The following SUSD4 variants were observed in gnomAD, a reference collection of about 807,000 sequenced individuals.
The protein encoded by SUSD4 is sushi domain containing 4, also known as sushi domain-containing protein 4.
A neutral mutation model predicts 50.5 loss-of-function variants in SUSD4; 41 were observed. The ratio of observed to expected loss-of-function variants is 0.81; its 90% CI spans 0.63 to 1.05. SUSD4 has a LOEUF of 1.05. Ranked by LOEUF, SUSD4 falls within the 50% of genes least tolerant of loss-of-function variation. The probability of loss-of-function intolerance (pLI) is 0.00; values close to 1 mark genes in which losing one functional copy is unlikely to be tolerated. For synonymous variants in SUSD4, 257 were observed against 257.3 expected, an observed-to-expected ratio of 1.00 and a Z score of 0.01; for missense variants, 580 against 634.7, an observed-to-expected ratio of 0.91 and a Z score of 0.93.
At chr1:223,232,174 G>C (rs1659941173) in intron 5 of SUSD4, among the ~76,000 whole-genome samples, 1 of 152,170 alleles carries the variant, frequency 6.6e-6, no homozygotes, top group South Asian at 2.1e-4. Flanking sequence ...GGGAGGTAGA[G>C]GGAATCAGAA....
chr1:223,224,862 C>CTTCT (rs1239409764), intron 7 of SUSD4, among the ~76,000 whole-genome samples: 2 of 59,288 alleles, frequency 3.4e-5, no homozygotes, highest in African/African-American at 1.4e-4. Context: ...TGGTTTCTTC[C>CTTCT]TTTTTTTTTT....
chr1:223,321,285 C>A (rs1021756468), intron 2 of SUSD4, among the ~76,000 whole-genome samples: 2 of 152,190 alleles, frequency 1.3e-5, no homozygotes, highest in Non-Finnish European at 2.9e-5. Context: ...GATGCAGAGA[C>A]CTGCATGCGA....
intron 2 of SUSD4, among the ~76,000 whole-genome samples, chr1:223,325,006 G>A (rs532795788): frequency 5.3e-4 from 80 of 152,212 alleles, no homozygotes; most frequent in African/African-American, 1.9e-3. Flanking sequence ...CAGTTGAGAT[G>A]GGCTTATGAC....
At chr1:223,246,772 A>G (rs1660963893) in intron 5 of SUSD4, among the ~76,000 whole-genome samples, 4 of 152,096 alleles carry the variant, frequency 2.6e-5, no homozygotes, top group Non-Finnish European at 2.9e-5. Flanking sequence ...CAGAGGTGGG[A>G]GGGGGGCTGA....
intron 2 of SUSD4, among the ~76,000 whole-genome samples, chr1:223,349,314 G>A (rs1668220015): frequency 6.6e-6 from 1 of 152,128 alleles, no homozygotes; most frequent in African/African-American, 2.4e-5. Flanking sequence ...TCACTTCTCC[G>A]CAGGCTACCT....
At chr1:223,306,086 A>G (rs980360562) in intron 2 of SUSD4, among the ~76,000 whole-genome samples, 3 of 152,218 alleles carry the variant, frequency 2.0e-5, no homozygotes, top group Non-Finnish European at 2.9e-5. Flanking sequence ...GATAAAGACC[A>G]CAGATGTGGA....
At chr1:223,241,178 T>C (rs981598556) in intron 5 of SUSD4, among the ~76,000 whole-genome samples, 9 of 152,208 alleles carry the variant, frequency 5.9e-5, no homozygotes, top group Admixed American at 1.3e-4. Context: ...GGACAGACCA[T>C]GTTAAGGACG....
At chr1:223,294,460 G>A (rs1240212333) in intron 2 of SUSD4, among the ~76,000 whole-genome samples, 1 of 152,102 alleles carries the variant, frequency 6.6e-6, no homozygotes, top group African/African-American at 2.4e-5. Flanking sequence ...ATGTGCTTGT[G>A]TAGGATTCAC....
chr1:223,252,236 A>AAATATAT (rs1343732568), intron 5 of SUSD4, among the ~76,000 whole-genome samples: 6 of 89,726 alleles, frequency 6.7e-5, no homozygotes, highest in African/African-American at 1.6e-4. Flanking sequence ...AAAAAAAAAA[A>AAATATAT]ATATATATAT....
At chr1:223,352,787 T>A (rs890820399) in intron 2 of SUSD4, among the ~76,000 whole-genome samples, 1 of 152,134 alleles carries the variant, frequency 6.6e-6, no homozygotes, top group Non-Finnish European at 1.5e-5. Context: ...AGTGAGTCAC[T>A]GGATTCAAAT....
At chr1:223,284,095 G>C (rs1160016334) in intron 3 of SUSD4, among the ~76,000 whole-genome samples, 2 of 127,114 alleles carry the variant, frequency 1.6e-5, no homozygotes, top group African/African-American at 5.9e-5. Flanking sequence ...ATAGGGGGAG[G>C]GGGGAGGGAA....
chr1:223,283,873 C>G (rs1663939820), intron 3 of SUSD4, among the ~76,000 whole-genome samples: 1 of 152,188 alleles, frequency 6.6e-6, no homozygotes, highest in East Asian at 1.9e-4. Context: ...AAATGTGGCA[C>G]ATATGCACCA....
chr1:223,285,853 G>A (rs1377404966), intron 3 of SUSD4, among the ~76,000 whole-genome samples: 1 of 152,170 alleles, frequency 6.6e-6, no homozygotes, highest in Non-Finnish European at 1.5e-5. Context: ...GGTGGAGAGC[G>A]GGAGAGAGGA....
In SUSD4 at chr1:223,361,415, G is replaced by A. The variant is rs188855255; in HGVS notation, c.148+1863C>T. 2.3e-3 allele frequency among the ~76,000 whole-genome samples: 354 copies of A among 152,250 alleles called. 3 individuals are homozygous for A. The highest frequency in any genetic ancestry group is 4.5e-3 in the Non-Finnish European group (304 of 68,022). On this transcript the variant is annotated intron_variant, in intron 2 of 8. Coordinates refer to ENST00000366878, the MANE Select transcript of SUSD4 (RefSeq NM_017982.4). ...CCTAAAAAGAAAGAGCTCTGAGACT[G>A]ACAGGTGACAGGCAACCCTTACTCT...
chr1:223,281,227 T>A (rs1343806961), intron 3 of SUSD4, among the ~76,000 whole-genome samples: 1 of 151,738 alleles, frequency 6.6e-6, no homozygotes, highest in African/African-American at 2.4e-5. Context: ...AGGCAAGAAA[T>A]AACTAAGATC....
intron 2 of SUSD4, among the ~76,000 whole-genome samples, chr1:223,333,623 GCAGA>G (rs1558259300): frequency 6.6e-6 from 1 of 152,166 alleles, no homozygotes; most frequent in Non-Finnish European, 1.5e-5. Flanking sequence ...AAAGGAGTGA[GCAGA>G]ACAGAGAAAG....
intron 3 of SUSD4, among the ~76,000 whole-genome samples, chr1:223,279,588 T>G (rs1163110009): frequency 6.6e-6 from 1 of 152,182 alleles, no homozygotes; most frequent in Non-Finnish European, 1.5e-5. Context: ...GGGGACTATG[T>G]GCAAAGACCA....
At chr1:223,321,341 T>C (rs1206629093) in intron 2 of SUSD4, among the ~76,000 whole-genome samples, 3 of 152,226 alleles carry the variant, frequency 2.0e-5, no homozygotes, top group Admixed American at 6.5e-5. Context: ...GGCAAGTCAA[T>C]GAACCTCTTT....
chr1:223,260,996 C>A (rs1315690897), intron 5 of SUSD4, among the ~76,000 whole-genome samples: 1 of 152,164 alleles, frequency 6.6e-6, no homozygotes, highest in Non-Finnish European at 1.5e-5. Flanking sequence ...AGAGACCATG[C>A]GCCAAGAGTT....
Sources: allele counts gnomAD v4.1 joint callset (sites outside exome capture counted in the v4.1 genomes callset), GRCh38; gene constraint gnomAD v4.1.1; transcripts MANE v1.5; gene names NCBI Gene and HGNC (gene_info 2026-07-23, HGNC 2026-07-21).